Variants in KIAA0232 observed in about 807,000 individuals in gnomAD.
The protein encoded by KIAA0232 is uncharacterized protein KIAA0232.
A neutral mutation model predicts 122.0 loss-of-function variants in KIAA0232; 27 were observed. The ratio of observed to expected loss-of-function variants is 0.22; its 90% CI spans 0.16 to 0.31. KIAA0232 has a LOEUF of 0.31. Among genes scored for constraint, KIAA0232 ranks in the 10% least tolerant of loss-of-function variants. The probability of loss-of-function intolerance (pLI) is 1.00; values close to 1 mark genes in which losing one functional copy is unlikely to be tolerated. For missense variants in KIAA0232, 1,551 were observed against 1,634.2 expected (o/e 0.95, Z 0.88); for synonymous variants, 613 against 587.6 (o/e 1.04, Z -0.63).
intron 3 of KIAA0232, among the ~76,000 whole-genome samples, chr4:6,837,124 C>T (rs1406675621): frequency 2.0e-5 from 3 of 151,422 alleles, no homozygotes; most frequent in African/African-American, 4.9e-5. Flanking sequence ...GGGCAGCGGC[C>T]GGGCGGGGGC....
chr4:6,789,207 G>A (rs191708129), intron 1 of KIAA0232, among the ~76,000 whole-genome samples: 6 of 151,386 alleles, frequency 4.0e-5, no homozygotes, highest in South Asian at 2.1e-4. Flanking sequence ...TCCTGACCTC[G>A]TGGTCTGCCC....
chr4:6,851,492 G>A (rs1720281479), intron 4 of KIAA0232, among the ~76,000 whole-genome samples: 1 of 152,024 alleles, frequency 6.6e-6, no homozygotes, highest in African/African-American at 2.4e-5. Flanking sequence ...TGGGTTGCTT[G>A]AGCCTGGCAG....
At chr4:6,844,349 C>A (rs1337267152) in intron 4 of KIAA0232, among the ~76,000 whole-genome samples, 3 of 151,982 alleles carry the variant, frequency 2.0e-5, no homozygotes, top group Admixed American at 2.0e-4. Context: ...AAAAAGCCTA[C>A]CCTTTCATCC....
chr4:6,880,343 C>A (rs554428617), intron 9 of KIAA0232, among the ~76,000 whole-genome samples: 1 of 148,600 alleles, frequency 6.7e-6, no homozygotes, highest in East Asian at 2.0e-4. Context: ...TGTGTCACTG[C>A]AAACTCCCTT....
At chr4:6,836,506 T>C (rs897101978) in intron 3 of KIAA0232, among the ~76,000 whole-genome samples, 7 of 151,246 alleles carry the variant, frequency 4.6e-5, no homozygotes, top group Admixed American at 4.6e-4. Context: ...AATAATTGTA[T>C]TAAGGGTTGT....
intron 4 of KIAA0232, among the ~76,000 whole-genome samples, chr4:6,849,609 C>A (rs573617102): frequency 6.6e-6 from 1 of 152,042 alleles, no homozygotes; most frequent in Non-Finnish European, 1.5e-5. Flanking sequence ...GAGCAAGACT[C>A]CATCTCAAAC....
chr4:6,874,535 T>A (rs1721654349), intron 8 of KIAA0232, among the ~76,000 whole-genome samples: 1 of 152,190 alleles, frequency 6.6e-6, no homozygotes, highest in Non-Finnish European at 1.5e-5. Flanking sequence ...GCCCCTGGAT[T>A]TTCAGTGCTT....
chr4:6,849,332 T>G (rs1264909890), intron 4 of KIAA0232, among the ~76,000 whole-genome samples: 2 of 152,186 alleles, frequency 1.3e-5, no homozygotes, highest in East Asian at 3.8e-4. Flanking sequence ...TGCAAGAATA[T>G]AATTCCTGGC....
chr4:6,824,849 G>T (rs1283802096), intron 3 of KIAA0232, among the ~76,000 whole-genome samples, 165 bp downstream of exon 3: 1 of 152,158 alleles, frequency 6.6e-6, no homozygotes, highest in Non-Finnish European at 1.5e-5. Context: ...GTGTCAATCA[G>T]CCTGTGTCAT....
intron 3 of KIAA0232, among the ~76,000 whole-genome samples, chr4:6,825,548 C>G (rs1354306121): frequency 1.3e-5 from 2 of 151,904 alleles, no homozygotes; most frequent in Non-Finnish European, 2.9e-5. Context: ...GAGCAAGACC[C>G]TGTCTCTCTC....
chr4:6,820,857 C>T (rs1035160668), intron 2 of KIAA0232, among the ~76,000 whole-genome samples: 4 of 152,180 alleles, frequency 2.6e-5, no homozygotes, highest in Admixed American at 1.3e-4. Context: ...GCTCACAGTT[C>T]CTGGAGGCTG....
rs1258637260 is a variant in KIAA0232 at position 6,883,915 on chromosome 4, T to C, written c.*2949T>C. 1.3e-5 allele frequency: 2 copies of C among 152,218 alleles called. No individual in the cohort carries two copies. The highest frequency in any genetic ancestry group is 6.5e-5 in the Admixed American group (1 of 15,292). The allele number at this position is 152,218 out of a possible 1,614,324, so 9.4% of individuals were successfully genotyped here. ...TACATTCAAGAGTGTACTATACTTG[T>C]TCTTCTATAACATCAGAAATAGGTT... On this transcript the variant is annotated 3_prime_UTR_variant, in exon 10 of 10. Coordinates refer to ENST00000307659, the MANE Select transcript of KIAA0232 (RefSeq NM_014743.3).
intron 2 of KIAA0232, among the ~76,000 whole-genome samples, chr4:6,816,555 T>C (rs987209455): frequency 2.0e-5 from 3 of 152,236 alleles, no homozygotes; most frequent in African/African-American, 7.2e-5. Context: ...GTGCTGGGAT[T>C]ACAGGCGTGA....
intron 2 of KIAA0232, among the ~76,000 whole-genome samples, chr4:6,819,457 C>G (rs1256924086): frequency 6.6e-6 from 1 of 152,046 alleles, no homozygotes; most frequent in Non-Finnish European, 1.5e-5. Context: ...CATGAACAGA[C>G]AATTTTCAAA....
At chr4:6,818,856 A>T (rs1193617783) in intron 2 of KIAA0232, among the ~76,000 whole-genome samples, 2 of 152,184 alleles carry the variant, frequency 1.3e-5, no homozygotes, top group African/African-American at 4.8e-5. Flanking sequence ...CCAAAACAGC[A>T]TGGTACTGGT....
At chr4:6,880,311 A>G (rs1217521149) in intron 9 of KIAA0232, among the ~76,000 whole-genome samples, 1 of 67,132 alleles carries the variant, frequency 1.5e-5, no homozygotes, top group Non-Finnish European at 3.6e-5. Context: ...ACAGGTCTGT[A>G]GTGTCGCCTC....
At chr4:6,842,031 G>A (rs1207243582) in intron 3 of KIAA0232, 36 bp from the exon 4 acceptor site, 1 of 1,611,728 alleles carries the variant, frequency 6.2e-7, no homozygotes, top group Admixed American at 1.7e-5. Context: ...GTCCAAGTTA[G>A]CCCTGGTCAT....
At chr4:6,795,038 G>A (rs759567229) in intron 1 of KIAA0232, among the ~76,000 whole-genome samples, 18 of 151,640 alleles carry the variant, frequency 1.2e-4, no homozygotes, top group Non-Finnish European at 1.8e-4. Flanking sequence ...GCCAGATTGC[G>A]CAGTTAAATA....
At position 6,863,388 on chromosome 4, in the gene KIAA0232, G is replaced by A. The variant is rs564593162; in HGVS notation, c.3006G>A (p.Pro1002=). The part of the protein sequence containing the change: ...PFVSFEQNDQ[P]KSGENGLNKG... The stretch of plus-strand genomic sequence containing the variant: ...TGTCATTTGAACAGAATGATCAGCC[G>A]AAGAGTGGGGAAAATGGGTTAAATA... The change falls in exon 7 of 10, where the codon CCG becomes CCA. Residue 1002 remains proline (P), a synonymous_variant. Coordinates refer to ENST00000307659, the MANE Select transcript of KIAA0232 (RefSeq NM_014743.3). The A allele has an allele frequency of 9.9e-6, 16 of 1,614,160 alleles. No individual in the cohort carries two copies. Among genetic ancestry groups the A allele is most frequent in the South Asian group, 7.7e-5 (7 of 91,074 alleles).
Sources: gnomAD v4.1 joint callset for allele counts (sites outside exome capture counted in the v4.1 genomes callset) on GRCh38, gnomAD v4.1.1 for gene constraint, MANE v1.5 for transcripts, NCBI Gene and HGNC (gene_info 2026-07-23, HGNC 2026-07-21) for gene names.